CADPS: variants seen among roughly 807,000 people sequenced by gnomAD.
CADPS encodes calcium dependent secretion activator, also known as calcium-dependent secretion activator 1.
In CADPS, 57 loss-of-function variants were observed where a neutral mutation model predicts 167.3. The ratio of observed to expected loss-of-function variants is 0.34; its 90% CI spans 0.28 to 0.42. The LOEUF (loss-of-function observed/expected upper bound fraction) is 0.42. CADPS is among the 20% of genes least tolerant of loss of function. The pLI, the probability that CADPS is intolerant of heterozygous loss-of-function variation, is 1.00. For synonymous variants in CADPS, 676 were observed against 635.3 expected, an observed-to-expected ratio of 1.06 and a Z score of -0.96; for missense variants, 1,414 against 1,738.1, an observed-to-expected ratio of 0.81 and a Z score of 3.32.
At chr3:62,697,265 C>G (rs2080477854) in intron 3 of CADPS, among the ~76,000 whole-genome samples, 1 of 115,500 alleles carries the variant, frequency 8.7e-6, no homozygotes, top group East Asian at 7.3e-4. Flanking sequence ...TCACCCCCTC[C>G]CCATCCTTTC....
chr3:62,743,373 C>T lies in CADPS; in HGVS notation c.888+10068G>A, dbSNP rs192234675. On this transcript the variant is annotated intron_variant, in intron 3 of 29. Coordinates refer to ENST00000383710, the MANE Select transcript of CADPS (RefSeq NM_003716.4). ...GTATTATATGTGGCTGCTTTCGCTA[C>T]AATGACAGAATTAAGCAGTTGTTAC... Among the ~76,000 whole-genome samples the T allele has an allele frequency of 8.9e-3, 1,360 of 152,294 alleles. 10 individuals carry two copies. The highest frequency in any genetic ancestry group is 0.015 in the Non-Finnish European group (1,025 of 68,008).
intron 1 of CADPS, among the ~76,000 whole-genome samples, chr3:62,855,423 T>G (rs1341072808): frequency 1.3e-5 from 2 of 152,068 alleles, no homozygotes; most frequent in Admixed American, 1.3e-4. Flanking sequence ...TTACGTACTA[T>G]GTTATCATGC....
chr3:62,403,144 C>T lies in CADPS; in HGVS notation c.3819G>A (p.Leu1273=). Residue 1273 remains leucine (L), a synonymous_variant, in exon 29 of 30, where the codon TTG becomes TTA. Transcript: ENST00000383710. ...NSSMNVICTW[L]TDRMDLQLHI... ...GAAGCTGTAAGTCCATCCGGTCCGT[C>T]AACCAGGTGCAGATCACGTTCATGG... 6.2e-7 allele frequency: 1 copy of T among 1,613,716 alleles called. No individual in the cohort carries two copies.
intron 3 of CADPS, among the ~76,000 whole-genome samples, chr3:62,710,384 A>T (rs2083167938): frequency 6.6e-6 from 1 of 151,326 alleles, no homozygotes; most frequent in East Asian, 1.9e-4. Flanking sequence ...CTATTTTTTT[A>T]AAAAGTTGAG....
At chr3:62,733,038 A>T (rs1194958088) in intron 3 of CADPS, among the ~76,000 whole-genome samples, 1 of 152,214 alleles carries the variant, frequency 6.6e-6, no homozygotes, top group Admixed American at 6.5e-5. Context: ...TATATGCTGA[A>T]ATGCATTATT....
Position 62,530,942 on chromosome 3 carries a change from A to T in CADPS, c.2291+1929T>A, listed in dbSNP as rs77066141. 1.1e-3 allele frequency: 234 copies of T among 221,888 alleles called. 2 individuals are homozygous for T. The highest frequency in any genetic ancestry group is 5.2e-3 in the African/African-American group (222 of 42,864). 13.7% of individuals were successfully genotyped at this position (221,888 alleles called of 1,614,324 possible). ...TGCATGAAAAAGCAGGCGCAAATGC[A>T]TTCAAACTAAAATAATAAGAAAAAA... On this transcript the variant is annotated intron_variant, in intron 13 of 29. Coordinates refer to ENST00000383710, the MANE Select transcript of CADPS (RefSeq NM_003716.4).
At chr3:62,855,420 C>G (rs1399273632) in intron 1 of CADPS, among the ~76,000 whole-genome samples, 2 of 151,852 alleles carry the variant, frequency 1.3e-5, no homozygotes, top group Non-Finnish European at 2.9e-5. Context: ...AGTTTACGTA[C>G]TATGTTATCA....
intron 3 of CADPS, among the ~76,000 whole-genome samples, chr3:62,724,213 G>C (rs1161157574): frequency 1.3e-5 from 2 of 152,130 alleles, no homozygotes; most frequent in Non-Finnish European, 2.9e-5. Flanking sequence ...GGGCTCTTTG[G>C]AGACCACCAC....
At chr3:62,808,694 TTC>T (rs1342382975) in intron 1 of CADPS, among the ~76,000 whole-genome samples, 12 of 152,092 alleles carry the variant, frequency 7.9e-5, no homozygotes, top group African/African-American at 2.9e-4. Flanking sequence ...TCAGTGTCCT[TTC>T]TCTTTCGATG....
At chr3:62,870,219 T>C (rs2153222380) in intron 1 of CADPS, among the ~76,000 whole-genome samples, 1 of 152,224 alleles carries the variant, frequency 6.6e-6, no homozygotes, top group South Asian at 2.1e-4. Flanking sequence ...TAAAGAAAAA[T>C]TGGTTTAATC....
intron 3 of CADPS, among the ~76,000 whole-genome samples, chr3:62,750,353 C>CAAAAAAAA (rs56069272): frequency 6.7e-5 from 3 of 44,896 alleles, no homozygotes; most frequent in African/African-American, 8.6e-5. Flanking sequence ...TCTTAAGCTC[C>CAAAAAAAA]AAAAAAAAAA....
intron 9 of CADPS, among the ~76,000 whole-genome samples, chr3:62,566,753 C>T (rs1260724846): frequency 6.6e-6 from 1 of 152,174 alleles, no homozygotes; most frequent in Non-Finnish European, 1.5e-5. Context: ...ACTCTCACGT[C>T]ACCTCTGTGT....
chr3:62,451,522 G>A (rs1444863705), intron 26 of CADPS, among the ~76,000 whole-genome samples: 1 of 151,612 alleles, frequency 6.6e-6, no homozygotes, highest in Non-Finnish European at 1.5e-5. Flanking sequence ...GAAGTCTGGT[G>A]GGTAAGACTC....
At chr3:62,590,871 T>C (rs1354211768) in intron 7 of CADPS, among the ~76,000 whole-genome samples, 1 of 152,112 alleles carries the variant, frequency 6.6e-6, no homozygotes, top group African/African-American at 2.4e-5. Context: ...TTATTATTTT[T>C]GAGATGGAGT....
At chr3:62,810,860 GC>G (rs577529133) in intron 1 of CADPS, among the ~76,000 whole-genome samples, 123 of 152,352 alleles carry the variant, frequency 8.1e-4, no homozygotes, top group African/African-American at 2.4e-3. Flanking sequence ...TGTGTTTGGT[GC>G]CTAGCACAGA....
In CADPS at chr3:62,516,086, G is replaced by A. The variant is rs779578391; in HGVS notation, c.2554C>T (p.Arg852Trp). Residue 852 changes from arginine to tryptophan, a missense_variant, in exon 16 of 30, where the codon CGG becomes TGG. Coordinates refer to ENST00000383710, the MANE Select transcript of CADPS (RefSeq NM_003716.4). ...LEQAALVNYS[R>W]LSEYAKIEEN... ...TCGATTTTGGCATACTCTGAGAGCC[G>A]AGAATAGTTGACTAACGCAGCCTGT... 4 of 1,613,126 alleles carry A rather than the reference G, an allele frequency of 2.5e-6. No homozygotes were observed. Among genetic ancestry groups the A allele is most frequent in the African/African-American group, 1.3e-5 (1 of 74,876 alleles).
At chr3:62,569,889 T>C (rs2080974284) in intron 9 of CADPS, among the ~76,000 whole-genome samples, 1 of 152,140 alleles carries the variant, frequency 6.6e-6, no homozygotes, top group Admixed American at 6.5e-5. Flanking sequence ...AAAATCCTGA[T>C]GCAAAAAATA....
chr3:62,812,454 C>T (rs2094432254), intron 1 of CADPS, among the ~76,000 whole-genome samples: 1 of 152,084 alleles, frequency 6.6e-6, no homozygotes, highest in African/African-American at 2.4e-5. Context: ...AGAAATGATC[C>T]CTTCCTGCTA....
chr3:62,628,625 C>CTTTTT (rs35812851), intron 6 of CADPS, among the ~76,000 whole-genome samples: 2 of 145,450 alleles, frequency 1.4e-5, no homozygotes, highest in Non-Finnish European at 3.0e-5. Flanking sequence ...AACCATGAGC[C>CTTTTT]TTTTTTTTTT....
Sources: allele counts gnomAD v4.1 joint callset (sites outside exome capture counted in the v4.1 genomes callset), GRCh38; gene constraint gnomAD v4.1.1; transcripts MANE v1.5; gene names NCBI Gene and HGNC (gene_info 2026-07-23, HGNC 2026-07-21).